Variants in TMEM132D observed in about 807,000 individuals in gnomAD.
TMEM132D encodes transmembrane protein 132D, also known as mature OL transmembrane protein.
Under a neutral mutation model 62.3 loss-of-function variants are expected in TMEM132D, and 21 were observed. That is an observed-to-expected ratio of 0.34 (90% confidence interval 0.24 to 0.49). The LOEUF (loss-of-function observed/expected upper bound fraction) is 0.49, where lower values mean the gene tolerates loss of function less well. TMEM132D is among the 20% of genes least tolerant of loss of function. The pLI, the probability that TMEM132D is intolerant of heterozygous loss-of-function variation, is 0.99. For missense variants in TMEM132D, 1,346 were observed against 1,402.8 expected (o/e 0.96, Z 0.65); for synonymous variants, 621 against 575.6 (o/e 1.08, Z -1.13).
chr12:129,105,426 G>A (rs1875462675), intron 5 of TMEM132D, among the ~76,000 whole-genome samples: 1 of 138,856 alleles, frequency 7.2e-6, no homozygotes, highest in Non-Finnish European at 1.5e-5. Flanking sequence ...ATAGCATTGG[G>A]AGATATACCT....
At chr12:129,760,605 C>T (rs1011001670) in intron 1 of TMEM132D, among the ~76,000 whole-genome samples, 2 of 151,314 alleles carry the variant, frequency 1.3e-5, no homozygotes, top group South Asian at 2.1e-4. Context: ...CTCAAGCCTC[C>T]TGAAGTACTG....
At chr12:129,496,312 G>A (rs1389832875) in intron 3 of TMEM132D, among the ~76,000 whole-genome samples, 5 of 152,140 alleles carry the variant, frequency 3.3e-5, no homozygotes, top group Non-Finnish European at 7.3e-5. Context: ...CACCTTAGTG[G>A]GGAATCTTTA....
At chr12:129,537,184 A>T (rs1169064007) in intron 2 of TMEM132D, among the ~76,000 whole-genome samples, 3 of 144,652 alleles carry the variant, frequency 2.1e-5, no homozygotes, top group Non-Finnish European at 4.6e-5. Context: ...ATTCATATGC[A>T]ACCTTTATAT....
intron 3 of TMEM132D, among the ~76,000 whole-genome samples, chr12:129,414,054 T>G (rs969806125): frequency 2.6e-5 from 4 of 152,212 alleles, no homozygotes; most frequent in African/African-American, 9.7e-5. Context: ...TCACCAAAAT[T>G]AAACTTCTTT....
In TMEM132D at chr12:129,699,993, G is replaced by T. The variant is rs763673817; in HGVS notation, c.785C>A (p.Pro262His). ...GATGCTCCCGATCCTCTGCAAGGGG[G>T]GCCCGGACTCATCGATGTCACTGTG... ...TGHSDIDESG[P>H]PLQRIGSIFL... is the part of the protein sequence containing the mutation. Residue 262 changes from proline to histidine, a missense_variant, in exon 2 of 9, where the codon CCC (proline) becomes CAC (histidine). Pro to His is a moderately conservative substitution (Grantham distance 77). Transcript: ENST00000422113. The T allele has an allele frequency of 6.2e-7, 1 of 1,614,034 alleles. No individual in the cohort carries two copies. Among genetic ancestry groups the T allele is most frequent in the Non-Finnish European group, 8.5e-7 (1 of 1,180,032 alleles).
chr12:129,130,763 G>A (rs776620602), intron 5 of TMEM132D, among the ~76,000 whole-genome samples: 3 of 152,106 alleles, frequency 2.0e-5, no homozygotes, highest in Admixed American at 6.5e-5. Flanking sequence ...GAATTAGCAC[G>A]TCTAGATCAG....
intron 1 of TMEM132D, among the ~76,000 whole-genome samples, chr12:129,845,046 G>A (rs11060586): frequency 0.12 from 18,553 of 152,134 alleles, 1,773 homozygotes; most frequent in East Asian, 0.53. Context: ...TAATTAAAGT[G>A]CTACCTTACC....
chr12:129,391,523 CG>C (rs1871289261), intron 3 of TMEM132D, among the ~76,000 whole-genome samples: 1 of 152,148 alleles, frequency 6.6e-6, no homozygotes, highest in South Asian at 2.1e-4. Flanking sequence ...CCTGCACGGG[CG>C]GTGCCTGGAC....
chr12:129,398,029 C>T (rs1871484672), intron 3 of TMEM132D, among the ~76,000 whole-genome samples: 1 of 152,152 alleles, frequency 6.6e-6, no homozygotes. Flanking sequence ...GACCCAACAC[C>T]CCATGTTGCT....
intron 1 of TMEM132D, among the ~76,000 whole-genome samples, chr12:129,757,156 C>T (rs1565975123): frequency 8.1e-6 from 1 of 123,442 alleles, no homozygotes; most frequent in South Asian, 3.4e-4. Flanking sequence ...TTTGGTTATT[C>T]ATCTTTTATA....
intron 1 of TMEM132D, among the ~76,000 whole-genome samples, chr12:129,713,255 G>A (rs1046909162): frequency 6.6e-6 from 1 of 152,134 alleles, no homozygotes; most frequent in Non-Finnish European, 1.5e-5. Flanking sequence ...GTGCTCAAGT[G>A]TGAGAAACAC....
At chr12:129,221,034 G>A (rs989418420) in intron 4 of TMEM132D, among the ~76,000 whole-genome samples, 2 of 152,188 alleles carry the variant, frequency 1.3e-5, no homozygotes, top group African/African-American at 2.4e-5. Flanking sequence ...GGAATGCTCC[G>A]AGAATATGCC....
intron 5 of TMEM132D, among the ~76,000 whole-genome samples, chr12:129,167,993 G>A (rs1346365389): frequency 6.6e-6 from 1 of 151,930 alleles, no homozygotes; most frequent in East Asian, 1.9e-4. Flanking sequence ...TTTCTCTTCT[G>A]GGCTTCCTCT....
chr12:129,396,016 GAT>G (rs775440950), intron 3 of TMEM132D, among the ~76,000 whole-genome samples: 3 of 145,182 alleles, frequency 2.1e-5, no homozygotes, highest in Non-Finnish European at 3.0e-5. Context: ...CAGTATATAA[GAT>G]ATATATAATT....
At chr12:129,470,803 A>T (rs1874071911) in intron 3 of TMEM132D, among the ~76,000 whole-genome samples, 1 of 152,150 alleles carries the variant, frequency 6.6e-6, no homozygotes, top group Non-Finnish European at 1.5e-5. Flanking sequence ...TTGTCACAGC[A>T]CCTTTTGTCC....
intron 2 of TMEM132D, among the ~76,000 whole-genome samples, chr12:129,554,262 T>G (rs1441613292): frequency 6.6e-6 from 1 of 152,206 alleles, no homozygotes; most frequent in Non-Finnish European, 1.5e-5. Context: ...TGGACTGTGA[T>G]GACAGCTCAA....
intron 3 of TMEM132D, among the ~76,000 whole-genome samples, chr12:129,464,755 C>T (rs1257393923): frequency 2.6e-5 from 4 of 152,064 alleles, no homozygotes; most frequent in East Asian, 1.9e-4. Context: ...TTGTTTTTCT[C>T]GGGTTTGTCA....
chr12:129,449,674 C>T (rs574628532), intron 3 of TMEM132D, among the ~76,000 whole-genome samples: 3 of 152,250 alleles, frequency 2.0e-5, no homozygotes, highest in Admixed American at 1.3e-4. Context: ...CATTTTCCAG[C>T]GTCTCATTGT....
intron 3 of TMEM132D, among the ~76,000 whole-genome samples, chr12:129,519,259 A>T (rs1183301044): frequency 6.6e-6 from 1 of 152,096 alleles, no homozygotes; most frequent in South Asian, 2.1e-4. Flanking sequence ...AACCTCGGGG[A>T]CTACCAGAGT....
Sources: allele counts gnomAD v4.1 joint callset (sites outside exome capture counted in the v4.1 genomes callset), GRCh38; gene constraint gnomAD v4.1.1; transcripts MANE v1.5; gene names NCBI Gene and HGNC (gene_info 2026-07-23, HGNC 2026-07-21).